Variants in ARLN observed in about 807,000 individuals in gnomAD.
ARLN encodes sarcoplasmic/endoplasmic reticulum calcium ATPase regulator ARLN.
chr4:119,301,007 C>T, the ARLN span: 3 of 473,826 alleles, frequency 6.3e-6, no homozygotes, highest in Non-Finnish European at 1.1e-5. Context: ...GCATTTGACA[C>T]TTAATATTTA....
At chr4:119,303,297 G>A in the ARLN span, among the ~76,000 whole-genome samples, 2 of 144,496 alleles carry the variant, frequency 1.4e-5, no homozygotes, top group African/African-American at 2.6e-5. Flanking sequence ...GCAATGGTGC[G>A]ATCTTGGCTC....
chr4:119,303,041 A>C, the ARLN span, among the ~76,000 whole-genome samples: 3 of 152,160 alleles, frequency 2.0e-5, no homozygotes, highest in African/African-American at 7.2e-5. Flanking sequence ...GAATTTGGTT[A>C]CTGTAATTTT....
At chr4:119,300,251 TG>T in the ARLN span, 3 of 1,109,920 alleles carry the variant, frequency 2.7e-6, no homozygotes, top group Non-Finnish European at 4.0e-6. Context: ...ATAAACTCTC[TG>T]GAATTCAGTC....
chr4:119,300,565 G>A, the ARLN span: 2 of 1,614,070 alleles, frequency 1.2e-6, no homozygotes, highest in Middle Eastern at 1.6e-4. Flanking sequence ...AACAACCCTA[G>A]AAACCGAAAA....
At chr4:119,300,346 AAT>A in the ARLN span, 1 of 1,607,756 alleles carries the variant, frequency 6.2e-7, no homozygotes, top group Non-Finnish European at 8.5e-7. Context: ...CATGGCAAAA[AAT>A]ACACAAAGAG....
chr4:119,298,415 A>G, the ARLN span: 10 of 175,104 alleles, frequency 5.7e-5, no homozygotes, highest in Admixed American at 3.8e-4. Context: ...TATTACTTGC[A>G]TCATAGTAAA....
chr4:119,304,170 T>C, the ARLN span: 1 of 1,105,694 alleles, frequency 9.0e-7, no homozygotes, highest in Non-Finnish European at 1.3e-6. Flanking sequence ...AGGGCCCCAC[T>C]TAAGTGCCAA....
At chr4:119,304,408 G>A in the ARLN span, 1 of 1,536,550 alleles carries the variant, frequency 6.5e-7, no homozygotes, top group South Asian at 1.2e-5. Context: ...ATTCTGTAAT[G>A]GTCTCCTATT....
At chr4:119,300,704 TG>T in the ARLN span, 3 of 1,528,952 alleles carry the variant, frequency 2.0e-6, no homozygotes, top group Non-Finnish European at 2.6e-6. Context: ...CGCAGGCGCC[TG>T]GCTCGGCTTT....
the ARLN span, chr4:119,300,374 G>A: frequency 6.2e-7 from 1 of 1,612,710 alleles, no homozygotes; most frequent in South Asian, 1.1e-5. Context: ...CCACCACATC[G>A]AAAAGGATGA....
the ARLN span, chr4:119,298,223 A>T: frequency 2.6e-5 from 4 of 152,346 alleles, no homozygotes; most frequent in South Asian, 4.1e-4. Context: ...AGACTGTATC[A>T]ACCTGTCGCC....
chr4:119,300,676 A>G, the ARLN span: 3 of 1,543,500 alleles, frequency 1.9e-6, no homozygotes, highest in African/African-American at 4.1e-5. Flanking sequence ...ATGCACTCTG[A>G]ACCTACTCTT....
chr4:119,300,004 G>T, the ARLN span, among the ~76,000 whole-genome samples: 3 of 152,006 alleles, frequency 2.0e-5, no homozygotes, highest in Non-Finnish European at 4.4e-5. Context: ...GTCCCAAATG[G>T]CAGATGAAAA....
At chr4:119,298,683 C>T in the ARLN span, 1 of 688,070 alleles carries the variant, frequency 1.5e-6, no homozygotes, top group Non-Finnish European at 2.7e-6. Context: ...TGAAATTCTT[C>T]TATTGAGAGT....
At chr4:119,303,836 A>G in the ARLN span, among the ~76,000 whole-genome samples, 2 of 152,208 alleles carry the variant, frequency 1.3e-5, no homozygotes, top group Admixed American at 6.5e-5. Flanking sequence ...TTATTGTGCC[A>G]CTGCACTTCA....
chr4:119,298,601 T>G, the ARLN span: 2 of 484,846 alleles, frequency 4.1e-6, no homozygotes, highest in African/African-American at 4.0e-5. Context: ...ATGGGTGAAA[T>G]CCTACCCAAT....
chr4:119,300,289 G>T, the ARLN span: 3 of 1,467,548 alleles, frequency 2.0e-6, no homozygotes, highest in South Asian at 1.2e-5. Flanking sequence ...GCGAGCAAAT[G>T]ATCTCTAAGC....
chr4:119,302,079 C>A, the ARLN span, among the ~76,000 whole-genome samples: 1 of 152,208 alleles, frequency 6.6e-6, no homozygotes, highest in Non-Finnish European at 1.5e-5. Flanking sequence ...ACAATTGCCT[C>A]TACCAGAGAT....
the ARLN span, chr4:119,300,794 C>G: frequency 1.4e-6 from 2 of 1,447,496 alleles, no homozygotes; most frequent in East Asian, 2.5e-5. Flanking sequence ...ACTTCTGCCT[C>G]GCGGCGTCCC....
Sources: gnomAD v4.1 joint callset for allele counts (sites outside exome capture counted in the v4.1 genomes callset) on GRCh38, gnomAD v4.1.1 for gene constraint, MANE v1.5 for transcripts, NCBI Gene and HGNC (gene_info 2026-07-23, HGNC 2026-07-21) for gene names.